TENM1: variants seen among roughly 807,000 people sequenced by gnomAD.
TENM1 encodes the protein teneurin transmembrane protein 1.
Under a neutral mutation model 174.8 loss-of-function variants are expected in TENM1, and 35 were observed. That is an observed-to-expected ratio of 0.20 (90% CI 0.15 to 0.27). TENM1 has a LOEUF of 0.27. Ranked by LOEUF, TENM1 falls within the 10% of genes least tolerant of loss-of-function variation. The probability of loss-of-function intolerance (pLI) is 1.00; values close to 1 mark genes in which losing one functional copy is unlikely to be tolerated. For missense variants in TENM1, 1,633 were observed against 2,130.1 expected, an observed-to-expected ratio of 0.77 and a Z score of 4.59; for synonymous variants, 781 against 798.7, an observed-to-expected ratio of 0.98 and a Z score of 0.37.
chrX:125,127,054 T>A, the TENM1 span, among the ~76,000 whole-genome samples: 1 of 111,823 alleles, frequency 8.9e-6, no homozygotes, highest in Non-Finnish European at 1.9e-5. Flanking sequence ...GCCACTTATA[T>A]ATGCACATGC....
At chrX:124,583,052 C>T (rs1200316110) in intron 11 of TENM1, among the ~76,000 whole-genome samples, 1 of 112,211 alleles carries the variant, frequency 8.9e-6, no homozygotes, top group Non-Finnish European at 1.9e-5. Context: ...GGGTGGAGCC[C>T]ACCACAGCTC....
intron 1 of TENM1, among the ~76,000 whole-genome samples, chrX:124,917,122 G>T (rs748847863): frequency 4.5e-5 from 5 of 111,230 alleles, no homozygotes; most frequent in Non-Finnish European, 9.4e-5. Context: ...TTTCCTTTTA[G>T]TTAGCTAGGC....
chrX:124,598,510 G>T (rs1414143141), intron 11 of TENM1, among the ~76,000 whole-genome samples: 1 of 111,729 alleles, frequency 9.0e-6, no homozygotes, highest in Non-Finnish European at 1.9e-5. Context: ...ACAGATGAAT[G>T]GATAAAGAAA....
At chrX:124,783,446 C>T (rs1018164327) in intron 3 of TENM1, among the ~76,000 whole-genome samples, 1 of 111,369 alleles carries the variant, frequency 9.0e-6, no homozygotes, top group African/African-American at 3.3e-5. Flanking sequence ...TACACATACT[C>T]GTTATTTTTA....
At chrX:124,899,988 G>A (rs150233881) in intron 1 of TENM1, among the ~76,000 whole-genome samples, 127 of 112,565 alleles carry the variant, frequency 1.1e-3, no homozygotes, top group Non-Finnish European at 1.8e-3. Context: ...AGAAAAAAGT[G>A]TGGCAGTTTT....
intron 1 of TENM1, among the ~76,000 whole-genome samples, chrX:124,933,957 AAAG>A (rs749498760): frequency 1.4e-4 from 16 of 112,007 alleles, no homozygotes; most frequent in East Asian, 2.8e-4. Context: ...TTTTTATTAC[AAAG>A]AAGAATACTT....
In TENM1 at chrX:124,962,534, T is replaced by C. The variant is rs1001159469; in HGVS notation, c.217+1003A>G. 1.3e-4 allele frequency among the ~76,000 whole-genome samples: 15 copies of C among 112,281 alleles called. No individual in the cohort carries two copies. In the East Asian group the frequency reaches 2.8e-3, roughly 21 times the overall value. ...ACTTATTCATAAAAAAGATAACTTGTGCCATCCGGGCGCGGTGGCTCATGC... is the reference window on the plus strand; with the variant it reads ...ACTTATTCATAAAAAAGATAACTTGCGCCATCCGGGCGCGGTGGCTCATGC... On this transcript the variant is annotated intron_variant, in intron 1 of 31. Transcript: ENST00000422452.
chrX:124,785,555 C>T (rs1347997494), intron 3 of TENM1, among the ~76,000 whole-genome samples: 1 of 112,109 alleles, frequency 8.9e-6, no homozygotes, highest in Non-Finnish European at 1.9e-5. Flanking sequence ...TGACCAAATA[C>T]TTTGACCACT....
chrX:124,708,105 T>C (rs776289289), intron 4 of TENM1, among the ~76,000 whole-genome samples: 2 of 112,700 alleles, frequency 1.8e-5, no homozygotes, highest in South Asian at 3.7e-4. Flanking sequence ...TACATTTTAA[T>C]GTACAACAAA....
At chrX:124,607,785 G>A (rs909851763) in intron 11 of TENM1, among the ~76,000 whole-genome samples, 1 of 111,238 alleles carries the variant, frequency 9.0e-6, no homozygotes, top group Non-Finnish European at 1.9e-5. Flanking sequence ...GATGGAAACA[G>A]GGAGACCAAT....
intron 11 of TENM1, among the ~76,000 whole-genome samples, chrX:124,617,438 C>A (rs2148320561): frequency 8.9e-6 from 1 of 111,766 alleles, no homozygotes; most frequent in African/African-American, 3.2e-5. Context: ...AGATATAACA[C>A]AAAGAGGAAA....
At chrX:124,742,296 T>C (rs754206697) in intron 3 of TENM1, among the ~76,000 whole-genome samples, 1 of 111,161 alleles carries the variant, frequency 9.0e-6, no homozygotes, top group Non-Finnish European at 1.9e-5. Flanking sequence ...CTGGTCTTAG[T>C]ATGTGTTTCA....
rs185096049 is a variant in TENM1 at position 124,737,299 on chromosome X, C to A, written c.536-102G>T. ...CTTACCAGGATTTCAGATAATAAAACCTGTGGGGTGAGGGAGGTTGTTTTA... is the reference window on the plus strand; with the variant it reads ...CTTACCAGGATTTCAGATAATAAAAACTGTGGGGTGAGGGAGGTTGTTTTA... On this transcript the variant is annotated intron_variant, in intron 3 of 31. Transcript: ENST00000422452. 2.3e-4 allele frequency: 222 copies of A among 946,581 alleles called. 3 individuals are homozygous for A. In the African/African-American group the frequency reaches 4.0e-3, roughly 17 times the overall value. The allele number at this position is 946,581 out of a possible 1,213,427, so 78.0% of individuals were successfully genotyped here.
At position 124,561,705 on chromosome X, in the gene TENM1, T is replaced by C. The variant is rs149539900; in HGVS notation, c.2400A>G (p.Glu800=). The stretch of plus-strand genomic sequence containing the variant: ...TGTCCAAGTTATCTCCACAAAGCAT[T>C]TCCATGACAACATTGCAGCCTGTCC... The change falls in exon 14 of 32, where the codon GAA becomes GAG. Residue 800 remains glutamate, a synonymous_variant. Coordinates refer to ENST00000422452, the Ensembl canonical transcript of TENM1. 3.8e-4 allele frequency: 463 copies of C among 1,209,192 alleles called. 3 individuals carry two copies. The African/African-American group carries it at 6.8e-3, about 18-fold the overall frequency.
At chrX:124,792,973 A>G (rs1222790398) in intron 3 of TENM1, among the ~76,000 whole-genome samples, 1 of 112,261 alleles carries the variant, frequency 8.9e-6, no homozygotes, top group East Asian at 2.8e-4. Context: ...CCCTATCATT[A>G]AAGAAACAAA....
At chrX:124,494,975 G>A (rs1239391204) in intron 20 of TENM1, among the ~76,000 whole-genome samples, 1 of 95,831 alleles carries the variant, frequency 1.0e-5, no homozygotes, top group Non-Finnish European at 2.1e-5. Context: ...ATAAACATAC[G>A]TGTGCATGTG....
chrX:124,462,314 G>A (rs925493734), intron 22 of TENM1, among the ~76,000 whole-genome samples: 2 of 109,410 alleles, frequency 1.8e-5, no homozygotes, highest in African/African-American at 6.7e-5. Context: ...CTGGTTCCTT[G>A]AATCACTGCT....
At chrX:124,562,662 T>G (rs761896766) in intron 13 of TENM1, among the ~76,000 whole-genome samples, 13 of 112,749 alleles carry the variant, frequency 1.2e-4, no homozygotes, top group South Asian at 1.1e-3. Context: ...GATGCCCTAC[T>G]CTTTGTACCC....
At chrX:124,957,429 C>T (rs1666180488) in intron 1 of TENM1, among the ~76,000 whole-genome samples, 1 of 110,417 alleles carries the variant, frequency 9.1e-6, no homozygotes, top group South Asian at 3.9e-4. Flanking sequence ...ATTAAAAATA[C>T]AAAAATTAGC....
Sources: gnomAD v4.1 joint callset for allele counts (sites outside exome capture counted in the v4.1 genomes callset) on GRCh38, gnomAD v4.1.1 for gene constraint, MANE v1.5 for transcripts, NCBI Gene and HGNC (gene_info 2026-07-23, HGNC 2026-07-21) for gene names.